Variants in PPME1 observed in about 807,000 individuals in gnomAD.
PPME1 encodes the protein testicular secretory protein Li 39.
In PPME1, 17 loss-of-function variants were observed where a neutral mutation model predicts 56.9. The observed-to-expected ratio is 0.30, with a 90% CI of 0.20 to 0.45. The LOEUF is 0.45. Ranked by LOEUF, PPME1 falls within the 20% of genes least tolerant of loss-of-function variation. PPME1 has a pLI of 1.00. For synonymous variants in PPME1, 122 were observed against 156.2 expected, an observed-to-expected ratio of 0.78 and a Z score of 1.63; for missense variants, 357 against 483.2, an observed-to-expected ratio of 0.74 and a Z score of 2.45.
At chr11:74,181,686 G>A (rs1857542708) in intron 1 of PPME1, among the ~76,000 whole-genome samples, 1 of 152,164 alleles carries the variant, frequency 6.6e-6, no homozygotes. Flanking sequence ...AAAGTTCTGA[G>A]GCTTTTTCTG....
intron 1 of PPME1, among the ~76,000 whole-genome samples, chr11:74,173,757 G>T (rs1857342860): frequency 6.6e-6 from 1 of 152,190 alleles, no homozygotes; most frequent in Non-Finnish European, 1.5e-5. Context: ...GGCCAGGCTG[G>T]TCTTAAACTC....
At position 74,203,759 on chromosome 11, in the gene PPME1, C is replaced by G. The variant is rs545915245; in HGVS notation, c.133C>G (p.Pro45Ala). Residue 45 changes from proline to alanine, a missense_variant, in exon 2 of 14, where the codon CCT becomes GCT. Around this residue, in one of 2 missense-constraint regions of PPME1, gnomAD observed 175 missense variants for 189.4 expected, o/e 0.92. Coordinates refer to ENST00000328257, the MANE Select transcript of PPME1 (RefSeq NM_016147.3). ...AAGAAAGCGGGACTTTTCCCCTGTT[C>G]CTTGGAGTCAGTATTTTGAGTCCAT... ...PGRKRDFSPV[P>A]WSQYFESMED... 3 of 1,611,976 alleles carry G rather than the reference C, an allele frequency of 1.9e-6. No homozygotes were observed. Among genetic ancestry groups the G allele is most frequent in the Admixed American group, 3.3e-5 (2 of 59,768 alleles).
chr11:74,182,846 C>G (rs1485887099), intron 1 of PPME1, among the ~76,000 whole-genome samples: 2 of 152,044 alleles, frequency 1.3e-5, no homozygotes, highest in Non-Finnish European at 2.9e-5. Context: ...GAGCAACATT[C>G]CTAAAGTGAG....
At chr11:74,214,640 C>T (rs1858576500) in intron 3 of PPME1, among the ~76,000 whole-genome samples, 2 of 151,788 alleles carry the variant, frequency 1.3e-5, no homozygotes, top group South Asian at 2.1e-4. Context: ...TCAGTGAAAA[C>T]CTTACAGGCC....
At chr11:74,218,516 A>G (rs957678972) in intron 3 of PPME1, among the ~76,000 whole-genome samples, 1 of 152,184 alleles carries the variant, frequency 6.6e-6, no homozygotes, top group Non-Finnish European at 1.5e-5. Context: ...CAGGGTTATA[A>G]CAACCAGAGC....
At chr11:74,191,071 C>T (rs562119132) in intron 1 of PPME1, among the ~76,000 whole-genome samples, 8 of 152,316 alleles carry the variant, frequency 5.3e-5, no homozygotes, top group African/African-American at 9.6e-5. Context: ...ACTTAAAGTT[C>T]GACTTTATAG....
intron 3 of PPME1, among the ~76,000 whole-genome samples, chr11:74,212,114 G>T (rs1419958579): frequency 6.6e-6 from 1 of 152,210 alleles, no homozygotes; most frequent in East Asian, 1.9e-4. Context: ...AGAAACGACA[G>T]TCTTGAATTA....
chr11:74,181,068 C>T (rs1280766791), intron 1 of PPME1, among the ~76,000 whole-genome samples: 8 of 127,122 alleles, frequency 6.3e-5, no homozygotes, highest in Non-Finnish European at 1.1e-4. Context: ...GACGGAGTCT[C>T]GCTTTGTCGC....
intron 7 of PPME1, among the ~76,000 whole-genome samples, chr11:74,234,170 A>T (rs1397415381): frequency 6.6e-6 from 1 of 152,206 alleles, no homozygotes. Flanking sequence ...TGGTAGAAAC[A>T]GAAAGAGGTA....
chr11:74,230,674 AC>A lies in PPME1; in HGVS notation c.554-235del. The A allele has an allele frequency of 1.7e-6, 1 of 596,312 alleles. No individual in the cohort carries two copies. Among genetic ancestry groups the A allele is most frequent in the Non-Finnish European group, 2.9e-6 (1 of 344,792 alleles). 36.9% of individuals were successfully genotyped at this position (596,312 alleles called of 1,614,324 possible). ...AAAAGAAGCTGCCATGTCTTTTCTGACCCAGCTTCAGAAGTCACACTGCTGC... is the reference window on the plus strand; with the variant it reads ...AAAAGAAGCTGCCATGTCTTTTCTGACCAGCTTCAGAAGTCACACTGCTGC... On this transcript the variant is annotated intron_variant, in intron 6 of 13. Coordinates refer to ENST00000328257, the MANE Select transcript of PPME1 (RefSeq NM_016147.3). The surrounding 1 kb of genome is among the most constrained non-coding windows in gnomAD (Gnocchi z 4.9).
intron 3 of PPME1, among the ~76,000 whole-genome samples, chr11:74,206,896 T>G (rs1858342205): frequency 6.6e-6 from 1 of 152,214 alleles, no homozygotes; most frequent in African/African-American, 2.4e-5. Context: ...GCCACATCTT[T>G]TAAACATTTA....
At chr11:74,211,067 A>G (rs1344768499) in intron 3 of PPME1, among the ~76,000 whole-genome samples, 1 of 152,252 alleles carries the variant, frequency 6.6e-6, no homozygotes, top group Non-Finnish European at 1.5e-5. Flanking sequence ...AGATCTGGAA[A>G]TGTAATAGGA....
Position 74,230,124 on chromosome 11 carries a change from C to T in PPME1, c.399-121C>T. On this transcript the variant is annotated intron_variant, in intron 5 of 13. Coordinates refer to ENST00000328257, the MANE Select transcript of PPME1 (RefSeq NM_016147.3). The surrounding 1 kb of genome is among the most constrained non-coding windows in gnomAD (Gnocchi z 4.9). ...TTACATAGGTATGTTTGTAAGATGGCCCAATAGACTTTTACAGTTTCCCAG... is the reference window on the plus strand; with the variant it reads ...TTACATAGGTATGTTTGTAAGATGGTCCAATAGACTTTTACAGTTTCCCAG... 4 of 1,073,602 alleles carry T rather than the reference C, an allele frequency of 3.7e-6. No homozygotes were observed. The highest frequency in any genetic ancestry group is 5.3e-6 in the Non-Finnish European group (4 of 747,728). 66.5% of individuals were successfully genotyped at this position (1,073,602 alleles called of 1,614,324 possible). A position where few individuals can be genotyped will look rare whatever the true frequency, so the allele number is the denominator to read the frequency against.
intron 1 of PPME1, among the ~76,000 whole-genome samples, chr11:74,194,440 C>T (rs1857927755): frequency 6.6e-6 from 1 of 152,136 alleles, no homozygotes; most frequent in African/African-American, 2.4e-5. Flanking sequence ...GTCTAAGTGC[C>T]TCTCTGGATT....
At chr11:74,236,171 CTTTT>C (rs1489011912) in intron 8 of PPME1, among the ~76,000 whole-genome samples, 1 of 152,032 alleles carries the variant, frequency 6.6e-6, no homozygotes, top group Non-Finnish European at 1.5e-5. Flanking sequence ...CCTTCCCTTT[CTTTT>C]TTTTCCTCCT....
chr11:74,171,693 C>A (rs1427637549), intron 1 of PPME1, among the ~76,000 whole-genome samples, 171 bp downstream of exon 1: 2 of 151,932 alleles, frequency 1.3e-5, no homozygotes, highest in Non-Finnish European at 2.9e-5. Context: ...AGGGGAGGCG[C>A]CAAGTCAATA....
At chr11:74,241,360 T>G (rs1253238750) in intron 9 of PPME1, among the ~76,000 whole-genome samples, 4 of 152,256 alleles carry the variant, frequency 2.6e-5, no homozygotes, top group Non-Finnish European at 5.9e-5. Flanking sequence ...ATTGTATGGC[T>G]ATACCACAGT....
chr11:74,225,584 G>A (rs1858914177), intron 5 of PPME1, among the ~76,000 whole-genome samples: 1 of 152,130 alleles, frequency 6.6e-6, no homozygotes, highest in South Asian at 2.1e-4. Flanking sequence ...ATGGACTCAC[G>A]CTTGGAAAAG....
intron 9 of PPME1, among the ~76,000 whole-genome samples, chr11:74,240,676 G>A (rs1045680902): frequency 6.6e-6 from 1 of 152,178 alleles, no homozygotes; most frequent in African/African-American, 2.4e-5. Context: ...GTTTACAAGG[G>A]TTTAAATAAC....
Sources: gnomAD v4.1 joint callset for allele counts (sites outside exome capture counted in the v4.1 genomes callset) on GRCh38, gnomAD v4.1.1 for gene constraint, gnomAD v4.1.1 regional missense constraint, Gnocchi (gnomAD v3.1) non-coding constraint, MANE v1.5 for transcripts, NCBI Gene and HGNC (gene_info 2026-07-23, HGNC 2026-07-21) for gene names.